OSBPL1A: variants seen among roughly 807,000 people sequenced by gnomAD.
OSBPL1A encodes the protein oxysterol-binding protein-related protein 1.
OSBPL1A carries 80 observed loss-of-function variants against 137.1 expected under a neutral mutation model. The ratio of observed to expected loss-of-function variants is 0.58; its 90% CI spans 0.49 to 0.70. The LOEUF is 0.70. Among genes scored for constraint, OSBPL1A ranks in the 30% least tolerant of loss-of-function variants. The pLI, the probability that OSBPL1A is intolerant of heterozygous loss-of-function variation, is 0.00. For synonymous variants in OSBPL1A, 365 were observed against 389.7 expected, an observed-to-expected ratio of 0.94 and a Z score of 0.75; for missense variants, 970 against 1,129.4, an observed-to-expected ratio of 0.86 and a Z score of 2.02.
intron 18 of OSBPL1A, among the ~76,000 whole-genome samples, chr18:24,190,742 G>A (rs2086869893): frequency 6.6e-6 from 1 of 152,198 alleles, no homozygotes; most frequent in Non-Finnish European, 1.5e-5. Flanking sequence ...ACCTTATCTA[G>A]CTCCGCATCT....
chr18:24,395,200 T>C (rs1907651803), intron 1 of OSBPL1A, among the ~76,000 whole-genome samples: 2 of 152,212 alleles, frequency 1.3e-5, no homozygotes, highest in Non-Finnish European at 2.9e-5. Context: ...AAAAAAGCTC[T>C]GATTGCCAAA....
intron 4 of OSBPL1A, among the ~76,000 whole-genome samples, chr18:24,361,098 C>A (rs1044855070): frequency 6.6e-6 from 1 of 152,142 alleles, no homozygotes; most frequent in Non-Finnish European, 1.5e-5. Flanking sequence ...GGCACAACTG[C>A]GGCTCACTGC....
At chr18:24,351,587 T>C (rs936955979) in intron 4 of OSBPL1A, among the ~76,000 whole-genome samples, 3 of 152,156 alleles carry the variant, frequency 2.0e-5, no homozygotes, top group Non-Finnish European at 4.4e-5. Context: ...TCACCTAGGC[T>C]GGAGTGCAAT....
chr18:24,243,183 G>A (rs1012298475), intron 15 of OSBPL1A, among the ~76,000 whole-genome samples: 5 of 152,098 alleles, frequency 3.3e-5, no homozygotes, highest in Non-Finnish European at 7.4e-5. Flanking sequence ...CTGAGATCAC[G>A]CCGTCGCACT....
chr18:24,303,785 T>G, intron 13 of OSBPL1A, 67 bp from the exon 14 acceptor site: 2 of 1,348,484 alleles, frequency 1.5e-6, no homozygotes, highest in Non-Finnish European at 2.1e-6. Context: ...TATGCTTTAG[T>G]GTTTCTATCA....
At position 24,196,253 on chromosome 18, in the gene OSBPL1A, G is replaced by A. The variant is rs1223876439; in HGVS notation, c.1602-53C>T. ...TTCATTCTAATGCCATTGTCAGCAG[G>A]AGGGAAGAACTGCTTTCATTCACAT... On this transcript the variant is annotated intron_variant, in intron 17 of 27. Coordinates refer to ENST00000319481, the MANE Select transcript of OSBPL1A (RefSeq NM_080597.4). 4 of 1,289,332 alleles carry A rather than the reference G, an allele frequency of 3.1e-6. No individual in the cohort carries two copies. The African/African-American group carries it at 5.9e-5, about 19-fold the overall frequency. 79.9% of individuals were successfully genotyped at this position (1,289,332 alleles called of 1,614,324 possible).
chr18:24,172,914 A>C (rs185883709), intron 21 of OSBPL1A, among the ~76,000 whole-genome samples: 1 of 152,354 alleles, frequency 6.6e-6, no homozygotes, highest in East Asian at 1.9e-4. Flanking sequence ...ATCCAGAGGA[A>C]TAGAAATCAT....
At chr18:24,343,340 T>A (rs1490136094) in intron 4 of OSBPL1A, among the ~76,000 whole-genome samples, 1 of 151,938 alleles carries the variant, frequency 6.6e-6, no homozygotes, top group Non-Finnish European at 1.5e-5. Context: ...CATAAATAAA[T>A]GGGAAAACAT....
intron 1 of OSBPL1A, among the ~76,000 whole-genome samples, chr18:24,378,572 C>T (rs1008703199): frequency 4.6e-5 from 7 of 152,144 alleles, no homozygotes; most frequent in Non-Finnish European, 7.4e-5. Context: ...ATAAAGATTA[C>T]ATTATTTGTA....
chr18:24,321,232 AGGTG>A (rs2090848488), intron 7 of OSBPL1A, among the ~76,000 whole-genome samples: 1 of 152,158 alleles, frequency 6.6e-6, no homozygotes. Context: ...TGGTTTTTAT[AGGTG>A]CACAGAGTTG....
chr18:24,330,639 C>T (rs2146139382), intron 7 of OSBPL1A, among the ~76,000 whole-genome samples: 1 of 151,996 alleles, frequency 6.6e-6, no homozygotes, highest in African/African-American at 2.4e-5. Flanking sequence ...CACGTGCCAC[C>T]ACTTGAACTC....
chr18:24,377,398 C>T lies in OSBPL1A; in HGVS notation c.121+15G>A. On this transcript the variant is annotated intron_variant, in intron 2 of 27. Transcript: ENST00000319481. ...GACTCATAAGAGAAAGCTACAAAAT[C>T]CATTCAAAGTTTACCTTTGCAATTA... The T allele has an allele frequency of 1.3e-6, 2 of 1,597,474 alleles. No individual in the cohort carries two copies. The highest frequency in any genetic ancestry group is 1.7e-6 in the Non-Finnish European group (2 of 1,175,014).
At chr18:24,199,056 A>T (rs1349788050) in intron 17 of OSBPL1A, among the ~76,000 whole-genome samples, 1 of 151,244 alleles carries the variant, frequency 6.6e-6, no homozygotes, top group African/African-American at 2.4e-5. Context: ...ATAGGGTTTC[A>T]CCATGTTGGC....
At chr18:24,337,444 G>A (rs2091195659) in intron 5 of OSBPL1A, among the ~76,000 whole-genome samples, 2 of 112,536 alleles carry the variant, frequency 1.8e-5, no homozygotes, top group Admixed American at 1.6e-4. Context: ...GGTGGTGCAT[G>A]CCTATAGTCC....
At chr18:24,376,325 C>T (rs1906130484) in intron 2 of OSBPL1A, among the ~76,000 whole-genome samples, 1 of 152,176 alleles carries the variant, frequency 6.6e-6, no homozygotes, top group African/African-American at 2.4e-5. Context: ...TTCTCCAAGG[C>T]CCCACCAGAG....
At chr18:24,165,180 C>T (rs2086118408) in intron 26 of OSBPL1A, 25 bp from the exon 27 acceptor site, 1 of 1,465,666 alleles carries the variant, frequency 6.8e-7, no homozygotes. Context: ...TCAACACAAA[C>T]CATTAACACT....
chr18:24,388,620 C>T (rs1221156081), intron 1 of OSBPL1A, among the ~76,000 whole-genome samples: 3 of 151,596 alleles, frequency 2.0e-5, no homozygotes, highest in African/African-American at 4.8e-5. Context: ...GACAACATGG[C>T]GAAACTCCGT....
chr18:24,245,434 A>G (rs528267289), intron 15 of OSBPL1A, among the ~76,000 whole-genome samples: 1 of 152,312 alleles, frequency 6.6e-6, no homozygotes, highest in South Asian at 2.1e-4. Flanking sequence ...TTCTCACTTC[A>G]AAACTTTTTT....
At chr18:24,329,337 G>A (rs1314717026) in intron 7 of OSBPL1A, among the ~76,000 whole-genome samples, 1 of 152,042 alleles carries the variant, frequency 6.6e-6, no homozygotes, top group Non-Finnish European at 1.5e-5. Context: ...GTCACCTGAG[G>A]TCAGGAATTT....
Sources: gnomAD v4.1 joint callset for allele counts (sites outside exome capture counted in the v4.1 genomes callset) on GRCh38, gnomAD v4.1.1 for gene constraint, MANE v1.5 for transcripts, NCBI Gene and HGNC (gene_info 2026-07-23, HGNC 2026-07-21) for gene names.